The following TRAF5 variants were observed in gnomAD, a reference collection of about 807,000 sequenced individuals.
TRAF5 encodes TNF receptor associated factor 5.
Under a neutral mutation model 64.5 loss-of-function variants are expected in TRAF5, and 48 were observed. That is an observed-to-expected ratio of 0.74 (90% CI 0.59 to 0.95). TRAF5 has a LOEUF of 0.95. TRAF5 is among the 40% of genes least tolerant of loss of function. TRAF5 has a pLI of 0.00. For synonymous variants in TRAF5, 206 were observed against 240.5 expected, an observed-to-expected ratio of 0.86 and a Z score of 1.33; for missense variants, 545 against 662.8, an observed-to-expected ratio of 0.82 and a Z score of 1.95.
rs971608870 is a variant in TRAF5 at position 211,327,091 on chromosome 1, C to T, written c.-2+202C>T. Among the ~76,000 whole-genome samples, 6 of 151,890 alleles carry T rather than the reference C, an allele frequency of 4.0e-5. No individual in the cohort carries two copies. The East Asian group carries it at 7.7e-4, about 20-fold the overall frequency. ...GGAGGGGCCCGGGCTTGCGGGAGAC[C>T]GGCGGGGCAGGTGACCGCCGACGGC... On this transcript the variant is annotated intron_variant, in intron 1 of 10. Transcript: ENST00000261464.
intron 1 of TRAF5, among the ~76,000 whole-genome samples, chr1:211,341,306 C>G (rs370782994): frequency 5.5e-4 from 84 of 152,128 alleles, no homozygotes; most frequent in African/African-American, 2.0e-3. Flanking sequence ...AACCAACAAA[C>G]ACAGAACCCT....
chr1:211,372,702 G>A lies in TRAF5; in HGVS notation c.1674G>A (p.Ter558=). Residue 558 remains the stop codon, a stop_retained_variant, in exon 11 of 11, where the codon TAG becomes TAA. Coordinates refer to ENST00000261464, the MANE Select transcript of TRAF5 (RefSeq NM_001033910.3). The part of the protein sequence containing the change: ...AVDLTDLEDL[*] ...ACTTAACTGACCTGGAGGATCTCTA[G>A]TCACTGTTATGGGGTGATAAGAGGA... 1 of 1,613,552 alleles carries A rather than the reference G, an allele frequency of 6.2e-7. No individual in the cohort carries two copies. Among genetic ancestry groups the A allele is most frequent in the Non-Finnish European group, 8.5e-7 (1 of 1,179,592 alleles).
chr1:211,337,470 A>T (rs1021368015), intron 1 of TRAF5, among the ~76,000 whole-genome samples: 13 of 152,202 alleles, frequency 8.5e-5, no homozygotes, highest in African/African-American at 3.1e-4. Flanking sequence ...CTGACCTCTA[A>T]GGACACTGGC....
At chr1:211,351,682 G>A (rs572284970) in intron 1 of TRAF5, among the ~76,000 whole-genome samples, 2 of 152,210 alleles carry the variant, frequency 1.3e-5, no homozygotes, top group East Asian at 3.9e-4. Flanking sequence ...TTTCTGATGT[G>A]ATGTCCAGTT....
In TRAF5 at chr1:211,374,098, T is replaced by TG. The variant is rs1273782584; in HGVS notation, c.*1396_*1397insG. The TG allele has an allele frequency of 3.0e-4, 46 of 152,360 alleles. No homozygotes were observed. The highest frequency in any genetic ancestry group is 1.1e-3 in the African/African-American group (44 of 41,582). 9.4% of individuals were successfully genotyped at this position (152,360 alleles called of 1,614,324 possible). Reference sequence around the variant, plus strand: ...CATTTATATAAACTTGTGATGTTTCTTGTCAGAATTCTGAGTACTCTGTGA... The same window carrying TG: ...CATTTATATAAACTTGTGATGTTTCTGTGTCAGAATTCTGAGTACTCTGTGA... On this transcript the variant is annotated 3_prime_UTR_variant, in exon 11 of 11. Coordinates refer to ENST00000261464, the MANE Select transcript of TRAF5 (RefSeq NM_001033910.3).
chr1:211,327,750 A>G (rs894944872), intron 1 of TRAF5, among the ~76,000 whole-genome samples: 1 of 151,864 alleles, frequency 6.6e-6, no homozygotes, highest in African/African-American at 2.4e-5. Flanking sequence ...TTTCATGAGA[A>G]CTCAGTTATC....
chr1:211,371,166 A>T, intron 9 of TRAF5, 136 bp from the exon 10 acceptor site: 1 of 843,588 alleles, frequency 1.2e-6, no homozygotes, highest in Non-Finnish European at 1.8e-6. Context: ...ATTGAATTTT[A>T]TTTTCTGGGC....
chr1:211,352,883 T>C (rs1702837143), intron 1 of TRAF5, among the ~76,000 whole-genome samples: 1 of 152,206 alleles, frequency 6.6e-6, no homozygotes, highest in Admixed American at 6.5e-5. Flanking sequence ...GAAAAATTCC[T>C]AACAGTTTAC....
intron 1 of TRAF5, among the ~76,000 whole-genome samples, chr1:211,332,725 G>A: frequency 6.6e-6 from 1 of 151,978 alleles, no homozygotes; most frequent in Non-Finnish European, 1.5e-5. Context: ...GGAGTGAGGG[G>A]GTAGATAGGA....
chr1:211,355,852 G>T lies in TRAF5; in HGVS notation c.277-515G>T, dbSNP rs140271632. On this transcript the variant is annotated intron_variant, in intron 3 of 10. Transcript: ENST00000261464. The stretch of plus-strand genomic sequence containing the variant: ...AGTGTTCATAAATAGTGTTTTATTG[G>T]AATGTAGCTGTGCCCATTCATTTAA... Among the ~76,000 whole-genome samples the T allele has an allele frequency of 3.0e-3, 457 of 152,314 alleles. 1 individual carries two copies. The highest frequency in any genetic ancestry group is 4.5e-3 in the Non-Finnish European group (309 of 68,034).
chr1:211,360,871 G>A, intron 6 of TRAF5, 92 bp downstream of exon 6: 1 of 1,229,198 alleles, frequency 8.1e-7, no homozygotes, highest in South Asian at 1.3e-5. Flanking sequence ...CAAAGATAAG[G>A]GCCCAGGGCT....
chr1:211,353,192 C>T, intron 1 of TRAF5, 47 bp from the exon 2 acceptor site: 4 of 1,548,072 alleles, frequency 2.6e-6, no homozygotes, highest in Non-Finnish European at 3.6e-6. Context: ...GTGGTTGTTT[C>T]AGTGTTTGCA....
chr1:211,363,315 C>G (rs992309087), intron 7 of TRAF5, among the ~76,000 whole-genome samples: 1 of 152,136 alleles, frequency 6.6e-6, no homozygotes, highest in South Asian at 2.1e-4. Context: ...TAAAAACAAC[C>G]TGTAAGTCTA....
At chr1:211,371,589 C>A in intron 10 of TRAF5, 119 bp downstream of exon 10, 1 of 1,052,424 alleles carries the variant, frequency 9.5e-7, no homozygotes, top group Non-Finnish European at 1.4e-6. Context: ...ATGGCTGAAT[C>A]TGCTATTTGT....
intron 1 of TRAF5, among the ~76,000 whole-genome samples, chr1:211,327,426 C>T (rs1403060130): frequency 1.3e-5 from 2 of 152,324 alleles, no homozygotes; most frequent in African/African-American, 2.4e-5. Flanking sequence ...ACCAGCTGTT[C>T]GTTTGCGCGT....
intron 1 of TRAF5, among the ~76,000 whole-genome samples, chr1:211,334,630 C>T (rs1373982381): frequency 6.6e-6 from 1 of 152,176 alleles, no homozygotes; most frequent in Admixed American, 6.5e-5. Context: ...TGCACTCCAG[C>T]CTGGGGGACA....
At position 211,359,537 on chromosome 1, in the gene TRAF5, G is replaced by A. The variant is rs376784366; in HGVS notation, c.379-375G>A. On this transcript the variant is annotated intron_variant, in intron 4 of 10. Coordinates refer to ENST00000261464, the MANE Select transcript of TRAF5 (RefSeq NM_001033910.3). ...AGGTTGGGATGAAGAGTCCACAAAA[G>A]AAATAAAAATGTCCTTGAAGAACTG... The A allele has an allele frequency of 2.1e-3, 378 of 177,962 alleles. 3 individuals carry two copies. Among genetic ancestry groups the A allele is most frequent in the African/African-American group, 8.7e-3 (368 of 42,534 alleles). The allele number at this position is 177,962 out of a possible 1,614,324, so 11.0% of individuals were successfully genotyped here.
At chr1:211,346,315 G>A (rs1055186308) in intron 1 of TRAF5, 3 of 960,022 alleles carry the variant, frequency 3.1e-6, no homozygotes, top group Non-Finnish European at 3.7e-6. Context: ...GGACTCAAGG[G>A]CAGATGCAAC....
chr1:211,339,693 G>A (rs1047820364), intron 1 of TRAF5, among the ~76,000 whole-genome samples: 3 of 152,220 alleles, frequency 2.0e-5, no homozygotes, highest in African/African-American at 7.2e-5. Flanking sequence ...TAGGATGCCT[G>A]CCTGTATGTG....
Sources: gnomAD v4.1 joint callset for allele counts (sites outside exome capture counted in the v4.1 genomes callset) on GRCh38, gnomAD v4.1.1 for gene constraint, MANE v1.5 for transcripts, NCBI Gene and HGNC (gene_info 2026-07-23, HGNC 2026-07-21) for gene names.